COL1A2: variants seen among roughly 807,000 people sequenced by gnomAD.
COL1A2 encodes collagen alpha-2(I) chain.
COL1A2 carries 49 observed loss-of-function variants against 174.3 expected under a neutral mutation model. The ratio of observed to expected loss-of-function variants is 0.28; its 90% confidence interval spans 0.22 to 0.36. The LOEUF is 0.36. Among genes scored for constraint, COL1A2 ranks in the 10% least tolerant of loss-of-function variants. COL1A2 has a pLI of 1.00. For missense variants in COL1A2, 1,438 were observed against 1,822.7 expected, an observed-to-expected ratio of 0.79 and a Z score of 3.84; for synonymous variants, 655 against 606.6, an observed-to-expected ratio of 1.08 and a Z score of -1.17.
chr7:94,407,797 A>C (rs2115886548), intron 12 of COL1A2, 50 bp from the exon 13 acceptor site: 1 of 1,566,396 alleles, frequency 6.4e-7, no homozygotes, highest in Non-Finnish European at 8.8e-7. Context: ...ACTATCAGGA[A>C]AAATAATTGT....
intron 33 of COL1A2, among the ~76,000 whole-genome samples, 200 bp downstream of exon 33, chr7:94,418,752 T>C (rs1207017988): frequency 1.3e-5 from 2 of 152,132 alleles, no homozygotes; most frequent in East Asian, 3.8e-4. Context: ...TTAACCTCTT[T>C]GAAAATAATA....
At chr7:94,409,916 C>A in intron 19 of COL1A2, 95 bp downstream of exon 19, 1 of 1,244,046 alleles carries the variant, frequency 8.0e-7, no homozygotes, top group Non-Finnish European at 1.2e-6. Context: ...TTTTATTATT[C>A]CTATTTTTCT....
At chr7:94,406,748 A>G (rs745643595) in intron 12 of COL1A2, among the ~76,000 whole-genome samples, 2 of 152,122 alleles carry the variant, frequency 1.3e-5, no homozygotes, top group Non-Finnish European at 2.9e-5. Flanking sequence ...ATCTGTGCAC[A>G]CTCAAAAAAA....
At chr7:94,422,720 A>G (rs1033578984) in intron 39 of COL1A2, 1 of 531,612 alleles carries the variant, frequency 1.9e-6, no homozygotes, top group Non-Finnish European at 3.4e-6. Context: ...TTCCTCATAG[A>G]AATTTGCCAT....
intron 2 of COL1A2, among the ~76,000 whole-genome samples, 193 bp downstream of exon 2, chr7:94,397,951 G>A (rs567524273): frequency 6.6e-6 from 1 of 151,740 alleles, no homozygotes; most frequent in Non-Finnish European, 1.5e-5. Flanking sequence ...CAAAATAGGC[G>A]GGGCTACTGA....
intron 21 of COL1A2, 25 bp downstream of exon 21, chr7:94,410,552 C>G: frequency 6.6e-7 from 1 of 1,516,756 alleles, no homozygotes; most frequent in Non-Finnish European, 9.0e-7. Flanking sequence ...CTCCCAACAC[C>G]CTAACACACC....
intron 25 of COL1A2, among the ~76,000 whole-genome samples, 179 bp from the exon 26 acceptor site, chr7:94,412,904 C>T (rs896031196): frequency 6.6e-6 from 1 of 152,218 alleles, no homozygotes; most frequent in African/African-American, 2.4e-5. Context: ...GACACAGGGA[C>T]ATCTTACTGT....
intron 32 of COL1A2, 69 bp from the exon 33 acceptor site, chr7:94,418,430 A>AG: frequency 3.7e-6 from 5 of 1,367,664 alleles, no homozygotes; most frequent in Non-Finnish European, 5.2e-6. Flanking sequence ...AAAGAAAAAA[A>AG]CTTCATATTA....
intron 6 of COL1A2, 63 bp downstream of exon 6, chr7:94,401,683 AT>A: frequency 8.2e-7 from 1 of 1,212,446 alleles, no homozygotes; most frequent in African/African-American, 1.5e-5. Context: ...TTTATGTCAC[AT>A]TTTACCACGC....
In COL1A2 at chr7:94,426,397, T is replaced by G. The variant is rs376664211; in HGVS notation, c.2998-26T>G. The stretch of plus-strand genomic sequence containing the variant: ...TGCCATTTTTTTAAAACGGTAAGTC[T>G]TATCCATCCTTCTGTTTCTTTATAG... On this transcript the variant is annotated intron_variant, in intron 45 of 51. Coordinates refer to ENST00000297268, the MANE Select transcript of COL1A2 (RefSeq NM_000089.4). The G allele has an allele frequency of 7.1e-6, 11 of 1,553,690 alleles. No individual in the cohort carries two copies. The African/African-American group carries it at 1.4e-4, about 19-fold the overall frequency.
Position 94,420,794 on chromosome 7 carries a change from C to T in COL1A2, c.2295+146C>T, listed in dbSNP as rs980720393. On this transcript the variant is annotated intron_variant, in intron 37 of 51. Transcript: ENST00000297268. ...CGGAAGGATTAACATTTGCACACTGCTTTACAAAGTATAAAAGTTTCATGA... is the reference window on the plus strand; with the variant it reads ...CGGAAGGATTAACATTTGCACACTGTTTTACAAAGTATAAAAGTTTCATGA... 3.3e-6 allele frequency: 3 copies of T among 917,788 alleles called. No individual in the cohort carries two copies. In the African/African-American group the frequency reaches 5.0e-5, roughly 15 times the overall value. 56.9% of individuals were successfully genotyped at this position (917,788 alleles called of 1,614,324 possible).
intron 42 of COL1A2, 64 bp from the exon 43 acceptor site, chr7:94,425,546 A>G: frequency 6.6e-7 from 1 of 1,521,718 alleles, no homozygotes; most frequent in African/African-American, 1.4e-5. Flanking sequence ...GAGTAGCTAC[A>G]ACATAGGGGC....
At chr7:94,406,638 ACT>A (rs935241444) in intron 12 of COL1A2, among the ~76,000 whole-genome samples, 8 of 152,102 alleles carry the variant, frequency 5.3e-5, no homozygotes, top group African/African-American at 1.7e-4. Context: ...AGATTACGAC[ACT>A]CTGTATTATT....
At chr7:94,407,778 T>C (rs987539335) in intron 12 of COL1A2, 69 bp from the exon 13 acceptor site, 1 of 1,409,408 alleles carries the variant, frequency 7.1e-7, no homozygotes, top group Non-Finnish European at 1.0e-6. Context: ...AAAAATAGAG[T>C]AAAATTGCAC....
intron 15 of COL1A2, 87 bp downstream of exon 15, chr7:94,408,467 C>A: frequency 2.1e-6 from 3 of 1,418,352 alleles, no homozygotes; most frequent in East Asian, 2.3e-5. Context: ...GAAATAGCAT[C>A]ATTTCAGACA....
In COL1A2 at chr7:94,427,879, A is replaced by C. The variant is rs750961683; in HGVS notation, c.3520A>C (p.Ser1174Arg). Residue 1174 changes from serine (S) to arginine (R), a missense_variant, in exon 49 of 52, where the codon AGC (serine) becomes CGC (arginine). This residue lies in a region of COL1A2 where 290 missense variants were observed against 298.1 expected (regional missense o/e 0.97). Transcript: ENST00000297268. The stretch of plus-strand genomic sequence containing the variant: ...CTTGAGACTCAGCCACCCAGAGTGG[A>C]GCAGTGGTAGGTCAAGATGTCCAGA... ...RDLRLSHPEW[S>R]SGYYWIDPNQ... The C allele has an allele frequency of 1.3e-5, 21 of 1,613,998 alleles. No individual in the cohort carries two copies. The South Asian group carries it at 2.2e-4, about 17-fold the overall frequency.
intron 1 of COL1A2, 36 bp from the exon 2 acceptor site, chr7:94,397,712 T>C: frequency 1.7e-6 from 2 of 1,181,168 alleles, no homozygotes; most frequent in East Asian, 2.4e-5. Context: ...GTGATACTAA[T>C]AATTGTTTCC....
At chr7:94,422,206 AAC>A (rs1177503188) in intron 39 of COL1A2, among the ~76,000 whole-genome samples, 3 of 151,294 alleles carry the variant, frequency 2.0e-5, no homozygotes, top group Non-Finnish European at 4.4e-5. Flanking sequence ...AAAAAAAAAA[AAC>A]AAAAAAACGA....
Position 94,413,901 on chromosome 7 carries a change from A to T in COL1A2, c.1619A>T (p.Gln540Leu), listed in dbSNP as rs1791983772. The T allele has an allele frequency of 6.2e-7, 1 of 1,613,990 alleles. No homozygotes were observed. The highest frequency in any genetic ancestry group is 8.5e-7 in the Non-Finnish European group (1 of 1,179,932). The change falls in exon 28 of 52, where the codon CAA (glutamine) becomes CTA (leucine). Residue 540 changes from glutamine to leucine, a missense_variant. Gln to Leu is a moderately radical substitution (Grantham distance 113, BLOSUM62 -2). Around this residue, in one of 3 missense-constraint regions of COL1A2, gnomAD observed 867 missense variants for 1,213.7 expected, o/e 0.71. Coordinates refer to ENST00000297268, the MANE Select transcript of COL1A2 (RefSeq NM_000089.4). Reference protein sequence around the residue: ...AQGPPGPQGVQGGKGEQGPPG... With the variant: ...AQGPPGPQGVLGGKGEQGPPG... The stretch of plus-strand genomic sequence containing the variant: ...CTTTCCTGTCACTTTCAGGGTGTTC[A>T]AGGTGGAAAAGGTGAACAGGGTCCC...
Sources: allele counts gnomAD v4.1 joint callset (sites outside exome capture counted in the v4.1 genomes callset), GRCh38; gene constraint gnomAD v4.1.1; regional missense constraint gnomAD v4.1.1; transcripts MANE v1.5; gene names NCBI Gene and HGNC (gene_info 2026-07-23, HGNC 2026-07-21).